VPS39: variants seen among roughly 807,000 people sequenced by gnomAD.
The protein encoded by VPS39 is VPS39 subunit of HOPS complex.
In VPS39, 70 loss-of-function variants were observed where a neutral mutation model predicts 121.0. The observed-to-expected ratio is 0.58, with a 90% CI of 0.48 to 0.71. The LOEUF (loss-of-function observed/expected upper bound fraction) is 0.71. VPS39 is among the 30% of genes least tolerant of loss of function. VPS39 has a pLI of 0.00. For missense variants in VPS39, 818 were observed against 1,051.5 expected, an observed-to-expected ratio of 0.78 and a Z score of 3.07; for synonymous variants, 378 against 398.1, an observed-to-expected ratio of 0.95 and a Z score of 0.60.
chr15:42,190,701 T>C (rs924114915), intron 4 of VPS39, among the ~76,000 whole-genome samples: 2 of 152,234 alleles, frequency 1.3e-5, no homozygotes, highest in African/African-American at 4.8e-5. Context: ...TACTAGACAA[T>C]ATAGTCCCTC....
At position 42,170,741 on chromosome 15, in the gene VPS39, A is replaced by ATT. The variant is rs869280235; in HGVS notation, c.1091-877_1091-876dup. 5.0e-3 allele frequency among the ~76,000 whole-genome samples: 254 copies of ATT among 50,474 alleles called. 60 individuals carry two copies. Among genetic ancestry groups the ATT allele is most frequent in the Middle Eastern group, 0.062 (2 of 32 alleles). The allele number at this position is 50,474 out of a possible 152,430, so 33.1% of individuals were successfully genotyped here. On this transcript the variant is annotated intron_variant, in intron 11 of 24. Transcript: ENST00000318006. ...ATGGTGTTCTCACAGATGCTCGCAG[A>ATT]TTTTTTTTTTTTTTTTTTTTTTTTT...
chr15:42,202,231 T>C (rs762934283), intron 1 of VPS39, among the ~76,000 whole-genome samples: 1 of 152,214 alleles, frequency 6.6e-6, no homozygotes, highest in African/African-American at 2.4e-5. Flanking sequence ...AAAGGATCAA[T>C]AGTATTTCTC....
At chr15:42,199,477 C>T (rs183650324) in intron 2 of VPS39, 129 of 396,724 alleles carry the variant, frequency 3.3e-4, no homozygotes, top group African/African-American at 2.7e-3. Context: ...TCTTCTTGTT[C>T]TACCCCTCAT....
chr15:42,172,230 C>T (rs2049360476), intron 11 of VPS39, among the ~76,000 whole-genome samples: 1 of 152,170 alleles, frequency 6.6e-6, no homozygotes, highest in African/African-American at 2.4e-5. Flanking sequence ...CTCTTAAACA[C>T]GCCTTCCGGA....
chr15:42,192,450 G>A (rs1275760466), intron 2 of VPS39, among the ~76,000 whole-genome samples: 2 of 152,130 alleles, frequency 1.3e-5, no homozygotes, highest in East Asian at 1.9e-4. Flanking sequence ...CTGAACCCAC[G>A]CCCTGCTACC....
intron 4 of VPS39, 81 bp from the exon 5 acceptor site, chr15:42,189,289 G>C: frequency 9.2e-7 from 1 of 1,085,526 alleles, no homozygotes; most frequent in Non-Finnish European, 1.4e-6. Flanking sequence ...AAAAGTAACT[G>C]TGTTAACATC....
chr15:42,160,551 C>G lies in VPS39; in HGVS notation c.*203G>C, dbSNP rs1228135860. The G allele has an allele frequency of 1.5e-5, 9 of 596,870 alleles. No individual in the cohort carries two copies. The highest frequency in any genetic ancestry group is 8.9e-4 in the Middle Eastern group (2 of 2,236). 37.0% of individuals were successfully genotyped at this position (596,870 alleles called of 1,614,324 possible). On this transcript the variant is annotated 3_prime_UTR_variant, in exon 25 of 25. Transcript: ENST00000318006. ...CACAACATAATGGTATAAGGTATAA[C>G]TAATCTCTTTTCCCATTAAAAAGCT...
chr15:42,173,287 G>A (rs564554653), intron 11 of VPS39, among the ~76,000 whole-genome samples: 5 of 152,166 alleles, frequency 3.3e-5, no homozygotes, highest in African/African-American at 1.2e-4. Context: ...CCTGCTCCTC[G>A]CCACTACACT....
chr15:42,184,296 TTA>T (rs1405989167), intron 8 of VPS39: 2 of 374,420 alleles, frequency 5.3e-6, no homozygotes, highest in Admixed American at 9.0e-5. Flanking sequence ...ACATTTCTGT[TTA>T]TATGTTTTCC....
At chr15:42,193,736 G>A (rs887606161) in intron 2 of VPS39, among the ~76,000 whole-genome samples, 1 of 151,920 alleles carries the variant, frequency 6.6e-6, no homozygotes, top group Non-Finnish European at 1.5e-5. Flanking sequence ...TCACACTCAG[G>A]GGAGTGAACA....
Position 42,189,071 on chromosome 15 carries a change from T to C in VPS39, c.342+43A>G, listed in dbSNP as rs10163030. The C allele has an allele frequency of 2.6e-3, 3,669 of 1,405,556 alleles. 88 individuals are homozygous for C. In the African/African-American group the frequency reaches 0.047, roughly 18 times the overall value. 87.1% of individuals were successfully genotyped at this position (1,405,556 alleles called of 1,614,324 possible). On this transcript the variant is annotated intron_variant, in intron 5 of 24. Transcript: ENST00000318006. Reference sequence around the variant, plus strand: ...TAGGAATGATGTAGGAAAGACTGTATTGATTAAAGCATAAAGCCAAATTTC... The same window carrying C: ...TAGGAATGATGTAGGAAAGACTGTACTGATTAAAGCATAAAGCCAAATTTC...
Position 42,187,738 on chromosome 15 carries a change from C to A in VPS39, c.441+20G>T. On this transcript the variant is annotated intron_variant, in intron 6 of 24. Transcript: ENST00000318006. ...GCAGCAGCTCCCACCCAACCATGGA[C>A]CAAGGAACAGTGGACTTACCTGCAA... 1 of 1,613,080 alleles carries A rather than the reference C, an allele frequency of 6.2e-7. No individual in the cohort carries two copies. The highest frequency in any genetic ancestry group is 8.5e-7 in the Non-Finnish European group (1 of 1,179,056).
intron 2 of VPS39, among the ~76,000 whole-genome samples, chr15:42,191,883 G>T (rs1232221502): frequency 6.6e-6 from 1 of 152,132 alleles, no homozygotes; most frequent in African/African-American, 2.4e-5. Flanking sequence ...GTTCCACAAG[G>T]AAGGGTGTAA....
At chr15:42,183,977 T>C (rs186410017) in intron 8 of VPS39, among the ~76,000 whole-genome samples, 1 of 126,380 alleles carries the variant, frequency 7.9e-6, no homozygotes, top group Non-Finnish European at 1.6e-5. Flanking sequence ...GAAGCAAGCA[T>C]AAGAACAGAA....
At position 42,166,836 on chromosome 15, in the gene VPS39, T is replaced by G; in HGVS notation, c.1455A>C (p.Leu485=). The G allele has an allele frequency of 6.2e-7, 1 of 1,614,024 alleles. No individual in the cohort carries two copies. Among genetic ancestry groups the G allele is most frequent in the East Asian group, 2.2e-5 (1 of 44,866 alleles). The change falls in exon 14 of 25, where the codon CTA becomes CTC. Residue 485 remains leucine, a synonymous_variant. Coordinates refer to ENST00000318006, the MANE Select transcript of VPS39 (RefSeq NM_015289.5). The stretch of plus-strand genomic sequence containing the variant: ...GCTCACTGTACTTGTGAGCCTTCTT[T>G]AGCACGTGCTCGCTCTCCTCGATGT... The part of the protein sequence containing the change: ...HCHIEESEHV[L]KKAHKYSELI...
intron 4 of VPS39, 95 bp downstream of exon 4, chr15:42,191,030 G>C (rs2049818031): frequency 6.9e-7 from 1 of 1,445,150 alleles, no homozygotes; most frequent in Non-Finnish European, 9.7e-7. Flanking sequence ...TCAGTTCATT[G>C]TTAAGTAACC....
Position 42,163,623 on chromosome 15 carries a change from T to C in VPS39, c.2129+3A>G, listed in dbSNP as rs780753815. 6.2e-7 allele frequency: 1 copy of C among 1,612,340 alleles called. No homozygotes were observed. Among genetic ancestry groups the C allele is most frequent in the Admixed American group, 1.7e-5 (1 of 59,786 alleles). On this transcript the variant is annotated splice_donor_region_variant and intron_variant, in intron 20 of 24. Transcript: ENST00000318006. ...AGGAGGTGGGATGTTGGGGCAAACT[T>C]ACTCCTCAGCCATCCTTGTATCCTT...
chr15:42,199,984 AAAC>A (rs772402076), intron 1 of VPS39, 23 bp from the exon 2 acceptor site: 9 of 1,553,024 alleles, frequency 5.8e-6, no homozygotes, highest in East Asian at 2.3e-5. Flanking sequence ...AACAAAACAA[AAAC>A]AAAAACAAAA....
At chr15:42,190,210 C>T (rs1349806453) in intron 4 of VPS39, among the ~76,000 whole-genome samples, 2 of 152,276 alleles carry the variant, frequency 1.3e-5, no homozygotes, top group African/African-American at 4.8e-5. Flanking sequence ...CATTAGGAGG[C>T]TCCAATTAGA....
Sources: allele counts gnomAD v4.1 joint callset (sites outside exome capture counted in the v4.1 genomes callset), GRCh38; gene constraint gnomAD v4.1.1; transcripts MANE v1.5; gene names NCBI Gene and HGNC (gene_info 2026-07-23, HGNC 2026-07-21).